The following TMEM59 variants were observed in gnomAD, a reference collection of about 807,000 sequenced individuals.
TMEM59 encodes dendritic cell factor 1.
In TMEM59, 44 loss-of-function variants were observed where a neutral mutation model predicts 42.2. The observed-to-expected ratio is 1.04, with a 90% CI of 0.82 to 1.34. TMEM59 has a LOEUF of 1.34. TMEM59 is among the 40% of genes most tolerant of loss of function. The pLI, the probability that TMEM59 is intolerant of heterozygous loss-of-function variation, is 0.00. For missense variants in TMEM59, 359 were observed against 382.8 expected (o/e 0.94, Z 0.52); for synonymous variants, 148 against 145.8 (o/e 1.02, Z -0.11).
chr1:54,047,177 G>T, intron 2 of TMEM59, 90 bp downstream of exon 2: 2 of 1,073,230 alleles, frequency 1.9e-6, no homozygotes, highest in South Asian at 1.6e-5. Flanking sequence ...TCAACAGTGT[G>T]TTTTCCATTT....
chr1:54,036,545 C>T, intron 7 of TMEM59, 65 bp downstream of exon 7: 2 of 1,234,476 alleles, frequency 1.6e-6, no homozygotes, highest in South Asian at 1.6e-5. Flanking sequence ...TCCAGCTAAA[C>T]AAATAAGGTG....
intron 7 of TMEM59, 23 bp downstream of exon 7, chr1:54,036,587 C>T (rs745559645): frequency 5.8e-6 from 9 of 1,552,322 alleles, no homozygotes; most frequent in South Asian, 1.2e-5. Context: ...GCTCAGTCTT[C>T]AAATGGTAAG....
chr1:54,053,198 C>CT lies in TMEM59; in HGVS notation c.-11dup, dbSNP rs770157079. The CT allele has an allele frequency of 9.9e-6, 16 of 1,613,724 alleles. 1 individual carries two copies. The South Asian group carries it at 1.8e-4, about 18-fold the overall frequency. ...CCTTCGGCGCCGCCATCTTGTTCCCCTCTGTCACAGCAGCTCAGCTTGTTG... is the reference window on the plus strand; with the variant it reads ...CCTTCGGCGCCGCCATCTTGTTCCCCTTCTGTCACAGCAGCTCAGCTTGTTG... On this transcript the variant is annotated 5_prime_UTR_variant, in exon 1 of 8. Transcript: ENST00000234831.
Position 54,053,192 on chromosome 1 carries a change from G to T in TMEM59, c.-4C>A. The T allele has an allele frequency of 6.2e-7, 1 of 1,613,876 alleles. No homozygotes were observed. The highest frequency in any genetic ancestry group is 8.5e-7 in the Non-Finnish European group (1 of 1,179,926). On this transcript the variant is annotated 5_prime_UTR_variant, in exon 1 of 8. Transcript: ENST00000234831. ...GGCTCCCCTTCGGCGCCGCCATCTT[G>T]TTCCCCTCTGTCACAGCAGCTCAGC...
intron 7 of TMEM59, among the ~76,000 whole-genome samples, chr1:54,032,940 T>TA (rs969415069): frequency 2.0e-5 from 3 of 150,540 alleles, no homozygotes; most frequent in African/African-American, 7.3e-5. Flanking sequence ...TTTTTTTTTT[T>TA]AAAGAGACGG....
intron 7 of TMEM59, among the ~76,000 whole-genome samples, chr1:54,035,910 T>C (rs887641091): frequency 6.6e-6 from 1 of 152,210 alleles, no homozygotes; most frequent in African/African-American, 2.4e-5. Flanking sequence ...GCACCACACC[T>C]GGCCCAGCCT....
At chr1:54,049,062 A>G (rs552603845) in intron 1 of TMEM59, among the ~76,000 whole-genome samples, 7 of 152,336 alleles carry the variant, frequency 4.6e-5, no homozygotes, top group African/African-American at 1.7e-4. Flanking sequence ...ACCACATGCC[A>G]TTTCATTCTC....
intron 5 of TMEM59, 88 bp from the exon 6 acceptor site, chr1:54,040,925 G>GTGT: frequency 9.8e-7 from 1 of 1,018,530 alleles, no homozygotes; most frequent in Non-Finnish European, 1.5e-6. Context: ...ACACTTTACA[G>GTGT]ATATCCAATT....
intron 6 of TMEM59, among the ~76,000 whole-genome samples, chr1:54,038,139 G>A (rs1657015223): frequency 1.3e-5 from 2 of 152,176 alleles, no homozygotes; most frequent in South Asian, 2.1e-4. Flanking sequence ...TGACACTTAT[G>A]TTCCTGATTC....
rs112595937 is a variant in TMEM59 at position 54,032,295 on chromosome 1, A to G, written c.827T>C (p.Ile276Thr). The G allele has an allele frequency of 6.2e-7, 1 of 1,601,306 alleles. No individual in the cohort carries two copies. Residue 276 changes from isoleucine (I) to threonine (T), a missense_variant, in exon 8 of 8, where the codon ATC becomes ACC. Coordinates refer to ENST00000234831, the MANE Select transcript of TMEM59 (RefSeq NM_004872.5). ...ATTCATAAACTCCAAGTCACCATAG[A>G]TACTCAGCTTCTGCAAAAGAAAACC... ...EQYVPSEKLS[I>T]YGDLEFMNEQ...
chr1:54,039,710 T>C (rs553006045), intron 6 of TMEM59, among the ~76,000 whole-genome samples: 1 of 152,316 alleles, frequency 6.6e-6, no homozygotes, highest in East Asian at 1.9e-4. Flanking sequence ...GAACACACTA[T>C]AAAGCAGAAA....
chr1:54,040,356 T>C (rs555257135), intron 6 of TMEM59, among the ~76,000 whole-genome samples: 2 of 152,202 alleles, frequency 1.3e-5, no homozygotes, highest in East Asian at 1.9e-4. Context: ...TGTCGCCATG[T>C]TGGCCAGGCT....
chr1:54,032,170 G>A lies in TMEM59; in HGVS notation c.952C>T (p.Leu318Phe), dbSNP rs1159353931. The change falls in exon 8 of 8, where the codon CTT (leucine) becomes TTT (phenylalanine). Residue 318 changes from leucine to phenylalanine, a missense_variant. Physicochemically the swap from Leu to Phe is conservative, Grantham distance 22. Transcript: ENST00000234831. Reference sequence around the variant, plus strand: ...AATGCTTAAATTTCAGAATGAGCAAGATTCACTTTTGTAGGTAGAGGCCCT... The same window carrying A: ...AATGCTTAAATTTCAGAATGAGCAAAATTCACTTTTGTAGGTAGAGGCCCT... ...EAGPLPTKVN[L>F]AHSEI The A allele has an allele frequency of 6.2e-7, 1 of 1,609,482 alleles. No individual in the cohort carries two copies. The highest frequency in any genetic ancestry group is 1.1e-5 in the South Asian group (1 of 90,408).
Position 54,030,086 on chromosome 1 carries a change from G to A in TMEM59, c.*2064C>T, listed in dbSNP as rs998015950. 49 of 151,640 alleles carry A rather than the reference G, an allele frequency of 3.2e-4. No homozygotes were observed. The highest frequency in any genetic ancestry group is 1.0e-3 in the African/African-American group (43 of 41,302). The allele number at this position is 151,640 out of a possible 1,614,324, so 9.4% of individuals were successfully genotyped here. ...CTCAGGCACTTCTCATTCAGGAAGC[G>A]AAGAGAAATGAAACCAAGGGAAGGT... On this transcript the variant is annotated 3_prime_UTR_variant, in exon 8 of 8. Transcript: ENST00000234831.
At position 54,028,963 on chromosome 1, in the gene TMEM59, C is replaced by A. The variant is rs1417508829; in HGVS notation, c.*3187G>T. 1.3e-5 allele frequency: 2 copies of A among 152,164 alleles called. No homozygotes were observed. The highest frequency in any genetic ancestry group is 6.5e-5 in the Admixed American group (1 of 15,274). The allele number at this position is 152,164 out of a possible 1,614,324, so 9.4% of individuals were successfully genotyped here. On this transcript the variant is annotated 3_prime_UTR_variant, in exon 8 of 8. Coordinates refer to ENST00000234831, the MANE Select transcript of TMEM59 (RefSeq NM_004872.5). ...TGTGGTGGTGACAGTAACTGGAAAT[C>A]TCTGTCAATGATTCCCTACATGTGG...
chr1:54,032,445 C>G, intron 7 of TMEM59, 140 bp from the exon 8 acceptor site: 1 of 894,278 alleles, frequency 1.1e-6, no homozygotes, highest in South Asian at 2.9e-5. Flanking sequence ...AATACTTTTT[C>G]TCAAAGTGTT....
intron 1 of TMEM59, chr1:54,048,024 G>C (rs146307719): frequency 6.6e-6 from 1 of 152,336 alleles, no homozygotes; most frequent in Non-Finnish European, 1.5e-5. Context: ...CTTTAACAGC[G>C]ATAGGAGTAA....
chr1:54,037,442 C>T lies in TMEM59; in HGVS notation c.708-724G>A, dbSNP rs140951701. On this transcript the variant is annotated intron_variant, in intron 6 of 7. Coordinates refer to ENST00000234831, the MANE Select transcript of TMEM59 (RefSeq NM_004872.5). ...GCTCTCACTATATTGCCCAGGCTGG[C>T]CTTGAACTCATGGGCGCAAGCCATT... Among the ~76,000 whole-genome samples, 380 of 152,270 alleles carry T rather than the reference C, an allele frequency of 2.5e-3. 3 individuals carry two copies. Among genetic ancestry groups the T allele is most frequent in the African/African-American group, 8.9e-3 (368 of 41,554 alleles).
At position 54,031,910 on chromosome 1, in the gene TMEM59, A is replaced by G. The variant is rs530478295; in HGVS notation, c.*240T>C. On this transcript the variant is annotated 3_prime_UTR_variant, in exon 8 of 8. Transcript: ENST00000234831. ...GGAAAAAAACAATAACCAAAGCAAA[A>G]AACAAAATAGCTACAGATATTAGTA... is the stretch of plus-strand genomic sequence containing the variant. 5.7e-6 allele frequency: 2 copies of G among 349,690 alleles called. No homozygotes were observed. Among genetic ancestry groups the G allele is most frequent in the South Asian group, 2.0e-4 (2 of 9,948 alleles). The allele number at this position is 349,690 out of a possible 1,614,324, so 21.7% of individuals were successfully genotyped here.
Sources: gnomAD v4.1 joint callset for allele counts (sites outside exome capture counted in the v4.1 genomes callset) on GRCh38, gnomAD v4.1.1 for gene constraint, MANE v1.5 for transcripts, NCBI Gene and HGNC (gene_info 2026-07-23, HGNC 2026-07-21) for gene names.